PRIM2: variants seen among roughly 807,000 people sequenced by gnomAD.
PRIM2 encodes DNA primase subunit 2, also known as DNA primase large subunit.
A neutral mutation model predicts 67.3 loss-of-function variants in PRIM2; 39 were observed. The ratio of observed to expected loss-of-function variants is 0.58; its 90% CI spans 0.45 to 0.76. The LOEUF (loss-of-function observed/expected upper bound fraction) is 0.76. Ranked by LOEUF, PRIM2 falls within the 30% of genes least tolerant of loss-of-function variation. The probability of loss-of-function intolerance (pLI) is 0.00; values close to 1 mark genes in which losing one functional copy is unlikely to be tolerated. For synonymous variants in PRIM2, 143 were observed against 198.7 expected, an observed-to-expected ratio of 0.72 and a Z score of 2.36; for missense variants, 398 against 598.7, an observed-to-expected ratio of 0.66 and a Z score of 3.50.
chr6:57,367,829 A>T (rs1402631410), intron 5 of PRIM2, among the ~76,000 whole-genome samples: 1 of 152,224 alleles, frequency 6.6e-6, no homozygotes, highest in African/African-American at 2.4e-5. Context: ...AGAATCTGCC[A>T]GTCCTCTCAA....
the PRIM2 span, among the ~76,000 whole-genome samples, chr6:57,224,832 T>G: frequency 6.6e-6 from 1 of 152,158 alleles, no homozygotes; most frequent in Non-Finnish European, 1.5e-5. Context: ...CAAGCATTAT[T>G]TGGAGTTGAA....
the PRIM2 span, among the ~76,000 whole-genome samples, chr6:57,307,258 GGT>G: frequency 4.5e-5 from 2 of 44,280 alleles, no homozygotes; most frequent in Admixed American, 6.6e-4. Flanking sequence ...ATTCAAGGAT[GGT>G]TTTTTTTTTT....
At chr6:57,506,684 C>G (rs1447574807) in intron 7 of PRIM2, among the ~76,000 whole-genome samples, 1 of 151,850 alleles carries the variant, frequency 6.6e-6, no homozygotes, top group African/African-American at 2.4e-5. Flanking sequence ...AAGGTATTCT[C>G]TTAAGAACAG....
At chr6:57,375,190 AT>A (rs1769718729) in intron 5 of PRIM2, among the ~76,000 whole-genome samples, 1 of 152,168 alleles carries the variant, frequency 6.6e-6, no homozygotes, top group South Asian at 2.1e-4. Flanking sequence ...TCAGTATGAT[AT>A]TGGCTGTGGG....
At chr6:57,225,578 A>G in the PRIM2 span, among the ~76,000 whole-genome samples, 1 of 152,256 alleles carries the variant, frequency 6.6e-6, no homozygotes, top group Non-Finnish European at 1.5e-5. Context: ...CTGAAAAGTT[A>G]GTTATTAAGT....
intron 5 of PRIM2, among the ~76,000 whole-genome samples, chr6:57,358,136 G>A (rs889569060): frequency 2.0e-5 from 3 of 152,292 alleles, no homozygotes; most frequent in African/African-American, 7.2e-5. Context: ...CCTTTTGAAT[G>A]TTTATTGTAA....
the PRIM2 span, among the ~76,000 whole-genome samples, chr6:57,278,061 T>C: frequency 6.6e-6 from 1 of 151,892 alleles, no homozygotes; most frequent in Admixed American, 6.6e-5. Flanking sequence ...GCACGGTAGC[T>C]CATGCCTATA....
At chr6:57,494,495 A>G (rs1481954572) in intron 7 of PRIM2, among the ~76,000 whole-genome samples, 1 of 152,238 alleles carries the variant, frequency 6.6e-6, no homozygotes, top group Non-Finnish European at 1.5e-5. Context: ...GGAATTTTGC[A>G]TGTAATTTGA....
chr6:57,456,217 C>G (rs1303131560), intron 7 of PRIM2, among the ~76,000 whole-genome samples: 1 of 152,178 alleles, frequency 6.6e-6, no homozygotes, highest in African/African-American at 2.4e-5. Flanking sequence ...CTGCCCTTAA[C>G]ATTGTTTCCT....
At chr6:57,306,312 G>A in the PRIM2 span, among the ~76,000 whole-genome samples, 2 of 152,102 alleles carry the variant, frequency 1.3e-5, no homozygotes, top group African/African-American at 4.8e-5. Context: ...GCATCCAAAT[G>A]CTTCCCACTA....
chr6:57,553,904 G>T (rs1357258612), intron 10 of PRIM2, among the ~76,000 whole-genome samples: 1 of 152,106 alleles, frequency 6.6e-6, no homozygotes, highest in South Asian at 2.1e-4. Flanking sequence ...GGGACAAGAT[G>T]ATTTCCCCAA....
the PRIM2 span, among the ~76,000 whole-genome samples, chr6:57,283,503 A>G: frequency 6.6e-6 from 1 of 152,222 alleles, no homozygotes; most frequent in African/African-American, 2.4e-5. Context: ...CCACATATAT[A>G]GGTGGCAGAT....
intron 2 of PRIM2, among the ~76,000 whole-genome samples, chr6:57,319,608 C>G (rs574585069): frequency 6.6e-6 from 1 of 152,232 alleles, no homozygotes; most frequent in South Asian, 2.1e-4. Context: ...AGGGCCTGAA[C>G]TATGATAATG....
At chr6:57,256,739 CACACAT>C in the PRIM2 span, among the ~76,000 whole-genome samples, 7,070 of 122,996 alleles carry the variant, frequency 0.057, 541 homozygotes, top group African/African-American at 0.25. Flanking sequence ...CACACACACA[CACACAT>C]ACACTCTTAC....
chr6:57,257,482 GC>G, the PRIM2 span, among the ~76,000 whole-genome samples: 1 of 152,140 alleles, frequency 6.6e-6, no homozygotes, highest in Non-Finnish European at 1.5e-5. Flanking sequence ...TGTTGGTCAG[GC>G]TGGTCTTGAA....
intron 10 of PRIM2, among the ~76,000 whole-genome samples, chr6:57,587,730 T>A (rs1302454398): frequency 6.8e-6 from 1 of 146,466 alleles, no homozygotes; most frequent in African/African-American, 2.6e-5. Flanking sequence ...AAATATTGCA[T>A]GTTGGAAGAG....
At chr6:57,358,937 T>A (rs7742232) in intron 5 of PRIM2, among the ~76,000 whole-genome samples, 3 of 152,032 alleles carry the variant, frequency 2.0e-5, no homozygotes, top group South Asian at 2.1e-4. Context: ...TTTAAAAAAT[T>A]ATGGTTAAAT....
At chr6:57,276,314 C>G in the PRIM2 span, among the ~76,000 whole-genome samples, 1 of 151,958 alleles carries the variant, frequency 6.6e-6, no homozygotes. Context: ...TGTGTGAACC[C>G]GGGATGCAGA....
intron 7 of PRIM2, among the ~76,000 whole-genome samples, chr6:57,428,073 G>T (rs1771690577): frequency 1.3e-5 from 2 of 151,878 alleles, no homozygotes; most frequent in South Asian, 4.2e-4. Context: ...AAAAAAAATT[G>T]CAGTAGAATT....
Sources: allele counts gnomAD v4.1 joint callset (sites outside exome capture counted in the v4.1 genomes callset), GRCh38; gene constraint gnomAD v4.1.1; transcripts MANE v1.5; gene names NCBI Gene and HGNC (gene_info 2026-07-23, HGNC 2026-07-21).